The following PDZD2 variants were observed in gnomAD, a reference collection of about 807,000 sequenced individuals.
The protein encoded by PDZD2 is PDZ domain-containing protein 2.
Under a neutral mutation model 220.7 loss-of-function variants are expected in PDZD2, and 90 were observed. The ratio of observed to expected loss-of-function variants is 0.41; its 90% confidence interval spans 0.34 to 0.49. PDZD2 has a LOEUF of 0.49. Among genes scored for constraint, PDZD2 ranks in the 20% least tolerant of loss-of-function variants. PDZD2 has a pLI of 0.28. For missense variants in PDZD2, 3,174 were observed against 3,608.5 expected (o/e 0.88, Z 3.08); for synonymous variants, 1,375 against 1,450.5 (o/e 0.95, Z 1.18).
intron 1 of PDZD2, among the ~76,000 whole-genome samples, chr5:31,656,210 C>T (rs1046670230): frequency 8.5e-5 from 13 of 152,312 alleles, no homozygotes; most frequent in African/African-American, 3.1e-4. Context: ...ATACTCCCAC[C>T]CAGAATGTTC....
intron 3 of PDZD2, 147 bp downstream of exon 3, chr5:31,983,803 A>T (rs1750499984): frequency 1.3e-6 from 1 of 776,788 alleles, no homozygotes; most frequent in South Asian, 1.8e-5. Flanking sequence ...TTTAAGGTTT[A>T]AAAAATATAC....
intron 2 of PDZD2, among the ~76,000 whole-genome samples, chr5:31,908,066 G>C (rs577176667): frequency 8.9e-6 from 1 of 112,136 alleles, no homozygotes; most frequent in Non-Finnish European, 1.6e-5. Flanking sequence ...CTGGGTGACA[G>C]AGCCAGGCTC....
intron 1 of PDZD2, among the ~76,000 whole-genome samples, chr5:31,693,535 T>C (rs1196080952): frequency 6.7e-6 from 1 of 149,722 alleles, no homozygotes; most frequent in Non-Finnish European, 1.5e-5. Flanking sequence ...CTACCGCGCC[T>C]GGCCGAAAAG....
At chr5:31,690,541 G>A (rs527415643) in intron 1 of PDZD2, among the ~76,000 whole-genome samples, 1 of 152,310 alleles carries the variant, frequency 6.6e-6, no homozygotes, top group South Asian at 2.1e-4. Flanking sequence ...TTTTGAGACT[G>A]TCTTTGCATC....
At chr5:32,101,576 CG>C (rs1156551489) in intron 24 of PDZD2, among the ~76,000 whole-genome samples, 1 of 152,166 alleles carries the variant, frequency 6.6e-6, no homozygotes, top group Non-Finnish European at 1.5e-5. Context: ...TTCCTTACTC[CG>C]GGCCCCTCTC....
At chr5:31,845,082 C>T (rs1319780284) in intron 2 of PDZD2, among the ~76,000 whole-genome samples, 13 of 152,074 alleles carry the variant, frequency 8.5e-5, no homozygotes, top group Non-Finnish European at 2.9e-5. Flanking sequence ...GAGAAGAATT[C>T]TTTCTCTCTC....
intron 1 of PDZD2, among the ~76,000 whole-genome samples, chr5:31,680,885 G>T (rs980718241): frequency 6.6e-6 from 1 of 152,118 alleles, no homozygotes; most frequent in Non-Finnish European, 1.5e-5. Flanking sequence ...CTGCCCCACA[G>T]CAACGGCCGC....
chr5:32,006,907 C>CT (rs1173189592), intron 5 of PDZD2, among the ~76,000 whole-genome samples: 30,849 of 47,446 alleles, frequency 0.65, 13,889 homozygotes, highest in Non-Finnish European at 0.79. Context: ...CCATGCTGGT[C>CT]TTTTTTTTTT....
At chr5:31,992,547 T>C (rs1016917838) in intron 3 of PDZD2, among the ~76,000 whole-genome samples, 1 of 152,208 alleles carries the variant, frequency 6.6e-6, no homozygotes, top group Non-Finnish European at 1.5e-5. Flanking sequence ...GAAAGGAATG[T>C]ACCTAGTATT....
At chr5:31,974,223 T>C (rs7710058) in intron 2 of PDZD2, among the ~76,000 whole-genome samples, 83,729 of 151,988 alleles carry the variant, frequency 0.55, 24,108 homozygotes, top group African/African-American at 0.7. Flanking sequence ...TCAGGTGATC[T>C]GCCCACCTTG....
Position 31,965,146 on chromosome 5 carries a change from T to G in PDZD2, c.477-18009T>G, listed in dbSNP as rs1305888390. Among the ~76,000 whole-genome samples the G allele has an allele frequency of 2.0e-5, 3 of 152,120 alleles. No homozygotes were observed. The East Asian group carries it at 5.8e-4, about 29-fold the overall frequency. ...GACACGGACACACGTGGAGTGGTTT[T>G]AAGGAGTGGTAGAGAGTTTAATAAG... is the stretch of plus-strand genomic sequence containing the variant. On this transcript the variant is annotated intron_variant, in intron 2 of 24. Transcript: ENST00000438447.
In PDZD2 at chr5:31,941,044, A is replaced by G. The variant is rs563289239; in HGVS notation, c.477-42111A>G. On this transcript the variant is annotated intron_variant, in intron 2 of 24. Coordinates refer to ENST00000438447, the MANE Select transcript of PDZD2 (RefSeq NM_178140.4). ...ATAGAAGACCACAAGCCATGAGGTG[A>G]GTGGCAGGAGATCCAAGGGTAGTGG... Among the ~76,000 whole-genome samples the G allele has an allele frequency of 7.9e-5, 12 of 152,310 alleles. No individual in the cohort carries two copies. The East Asian group carries it at 1.9e-3, about 24-fold the overall frequency.
intron 2 of PDZD2, among the ~76,000 whole-genome samples, chr5:31,880,823 T>A (rs1293380267): frequency 7.3e-6 from 1 of 136,164 alleles, no homozygotes; most frequent in East Asian, 2.2e-4. Context: ...TTTTTTGAGA[T>A]GAAGTCTCGC....
chr5:31,732,180 C>T (rs116007253), intron 1 of PDZD2, among the ~76,000 whole-genome samples: 27 of 152,280 alleles, frequency 1.8e-4, no homozygotes, highest in African/African-American at 6.5e-4. Flanking sequence ...TGATGGCTTG[C>T]CCTAGTTCTG....
chr5:31,875,309 C>CAT (rs1333009997), intron 2 of PDZD2, among the ~76,000 whole-genome samples: 1 of 151,956 alleles, frequency 6.6e-6, no homozygotes, highest in Non-Finnish European at 1.5e-5. Flanking sequence ...CAAGGCCAGG[C>CAT]ATGGTGGCTT....
intron 2 of PDZD2, among the ~76,000 whole-genome samples, chr5:31,933,989 G>A (rs1745515057): frequency 6.6e-6 from 1 of 152,186 alleles, no homozygotes; most frequent in Non-Finnish European, 1.5e-5. Context: ...AAATGTAGCA[G>A]TAATTCCCCT....
intron 2 of PDZD2, among the ~76,000 whole-genome samples, chr5:31,934,857 T>C (rs1745587563): frequency 6.6e-6 from 1 of 152,022 alleles, no homozygotes; most frequent in Admixed American, 6.5e-5. Flanking sequence ...GAGGCCGAGA[T>C]GGGCAGATCA....
intron 7 of PDZD2, among the ~76,000 whole-genome samples, 161 bp downstream of exon 7, chr5:32,037,503 A>G (rs762947610): frequency 3.9e-5 from 6 of 152,232 alleles, no homozygotes; most frequent in Non-Finnish European, 7.3e-5. Flanking sequence ...AACTGCATTT[A>G]GCCTCCTGCC....
In PDZD2 at chr5:31,869,550, C is replaced by T. The variant is rs917512214; in HGVS notation, c.476+69826C>T. ...CTGCACTCCAGCCTGGGCGACAGAG[C>T]GAGACTCTGTCTCAAAAGAAAAAAA... On this transcript the variant is annotated intron_variant, in intron 2 of 24. Transcript: ENST00000438447. Among the ~76,000 whole-genome samples the T allele has an allele frequency of 8.0e-4, 121 of 151,236 alleles. 3 individuals carry two copies. Among genetic ancestry groups the T allele is most frequent in the African/African-American group, 1.1e-3 (44 of 41,062 alleles).
Sources: allele counts gnomAD v4.1 joint callset (sites outside exome capture counted in the v4.1 genomes callset), GRCh38; gene constraint gnomAD v4.1.1; transcripts MANE v1.5; gene names NCBI Gene and HGNC (gene_info 2026-07-23, HGNC 2026-07-21).